Variants in XKR9 observed in about 807,000 individuals in gnomAD.
XKR9 encodes XK related 9.
Under a neutral mutation model 32.0 loss-of-function variants are expected in XKR9, and 32 were observed. The ratio of observed to expected loss-of-function variants is 1.00; its 90% CI spans 0.76 to 1.34. The LOEUF (loss-of-function observed/expected upper bound fraction) is 1.34, where lower values mean the gene tolerates loss of function less well. Among genes scored for constraint, XKR9 ranks in the 40% most tolerant of loss-of-function variants. The probability of loss-of-function intolerance (pLI) is 0.00; values close to 1 mark genes in which losing one functional copy is unlikely to be tolerated. For synonymous variants in XKR9, 168 were observed against 143.4 expected (o/e 1.17, Z -1.22); for missense variants, 546 against 429.7 (o/e 1.27, Z -2.39).
chr8:71,049,541 A>G, the XKR9 span, among the ~76,000 whole-genome samples: 1 of 152,352 alleles, frequency 6.6e-6, no homozygotes, highest in South Asian at 2.1e-4. Context: ...GAATGTGGTA[A>G]AAATCAAGGG....
At chr8:71,051,458 A>C in the XKR9 span, among the ~76,000 whole-genome samples, 41 of 152,226 alleles carry the variant, frequency 2.7e-4, no homozygotes, top group African/African-American at 9.9e-4. Context: ...ATTGTTCTAT[A>C]AATCACTGGA....
the XKR9 span, among the ~76,000 whole-genome samples, chr8:70,860,157 A>G: frequency 6.6e-6 from 1 of 152,146 alleles, no homozygotes; most frequent in Non-Finnish European, 1.5e-5. Context: ...AACCCCTATC[A>G]TCTGAATGTT....
the XKR9 span, among the ~76,000 whole-genome samples, chr8:70,974,581 C>G: frequency 2.0e-5 from 3 of 152,168 alleles, no homozygotes; most frequent in African/African-American, 7.2e-5. Context: ...CCCATCCTTT[C>G]TTATGGCTGC....
the XKR9 span, among the ~76,000 whole-genome samples, chr8:70,868,987 C>T: frequency 6.6e-6 from 1 of 152,188 alleles, no homozygotes; most frequent in African/African-American, 2.4e-5. Context: ...AGTCTCTTTG[C>T]TAAAACATAA....
the XKR9 span, among the ~76,000 whole-genome samples, chr8:70,871,684 A>G: frequency 6.6e-6 from 1 of 152,246 alleles, no homozygotes; most frequent in East Asian, 1.9e-4. Context: ...TCCCTGAGAC[A>G]CAACAGTATT....
intron 2 of XKR9, among the ~76,000 whole-genome samples, chr8:70,742,175 A>C (rs1806996718): frequency 1.3e-5 from 2 of 152,340 alleles, no homozygotes; most frequent in South Asian, 4.1e-4. Flanking sequence ...ACTGAATAAC[A>C]ACAAAAAAGC....
At chr8:70,799,122 CTG>C in the XKR9 span, among the ~76,000 whole-genome samples, 2 of 152,110 alleles carry the variant, frequency 1.3e-5, no homozygotes, top group East Asian at 3.9e-4. Flanking sequence ...AGCATTGAAT[CTG>C]TAGGTTTCTT....
At chr8:70,928,744 T>G in the XKR9 span, among the ~76,000 whole-genome samples, 1 of 152,176 alleles carries the variant, frequency 6.6e-6, no homozygotes, top group Non-Finnish European at 1.5e-5. Flanking sequence ...ACTCCAAAGT[T>G]AGTCCCAGCT....
chr8:71,025,801 C>A, the XKR9 span, among the ~76,000 whole-genome samples: 1 of 152,158 alleles, frequency 6.6e-6, no homozygotes, highest in Non-Finnish European at 1.5e-5. Flanking sequence ...ATCACCAATC[C>A]TCTCCTTGAA....
chr8:70,932,757 G>A, the XKR9 span, among the ~76,000 whole-genome samples: 15 of 152,082 alleles, frequency 9.9e-5, no homozygotes, highest in East Asian at 2.7e-3. Flanking sequence ...TCCTCTTTTT[G>A]TAAGGACATC....
chr8:70,852,844 A>T, the XKR9 span, among the ~76,000 whole-genome samples: 2 of 152,056 alleles, frequency 1.3e-5, no homozygotes, highest in African/African-American at 2.4e-5. Flanking sequence ...TCTGGGGTCC[A>T]TTGGCAGGTG....
chr8:70,948,779 G>T, the XKR9 span, among the ~76,000 whole-genome samples: 1 of 152,148 alleles, frequency 6.6e-6, no homozygotes, highest in Non-Finnish European at 1.5e-5. Context: ...GTAATTAATA[G>T]CACATTTGTT....
chr8:70,999,401 C>G, the XKR9 span, among the ~76,000 whole-genome samples: 1 of 151,984 alleles, frequency 6.6e-6, no homozygotes, highest in Non-Finnish European at 1.5e-5. Flanking sequence ...TTATTATGAC[C>G]AAAGTCACTG....
rs1289847542 is a variant in XKR9 at position 70,735,232 on chromosome 8, C to T, written c.*808C>T. 6.6e-6 allele frequency: 1 copy of T among 151,780 alleles called. No individual in the cohort carries two copies. Among genetic ancestry groups the T allele is most frequent in the Non-Finnish European group, 1.5e-5 (1 of 67,966 alleles). 9.4% of individuals were successfully genotyped at this position (151,780 alleles called of 1,614,324 possible). On this transcript the variant is annotated 3_prime_UTR_variant, in exon 5 of 5. Transcript: ENST00000408926. ...TTTCACCTTGTAAAACTAAGATTCT[C>T]TATTTATTGAACAAATCCCCATTTC... is the stretch of plus-strand genomic sequence containing the variant.
chr8:70,734,285 C>T lies in XKR9; in HGVS notation c.983C>T (p.Thr328Ile), dbSNP rs952832987. The T allele has an allele frequency of 2.5e-6, 4 of 1,612,610 alleles. No homozygotes were observed. Among genetic ancestry groups the T allele is most frequent in the Non-Finnish European group, 3.4e-6 (4 of 1,179,300 alleles). Residue 328 changes from threonine to isoleucine, a missense_variant, in exon 5 of 5, where the codon ACT (threonine) becomes ATT (isoleucine). Transcript: ENST00000408926. ...FIPISITIVLTLLLGILFLIV... is the reference protein window; with the variant it reads ...FIPISITIVLILLLGILFLIV... ...CCTATCAGTATAACTATAGTTCTTA[C>T]TCTTCTTCTTGGAATTCTTTTTCTT...
the XKR9 span, among the ~76,000 whole-genome samples, chr8:70,936,481 G>T: frequency 6.6e-6 from 1 of 152,024 alleles, no homozygotes; most frequent in Non-Finnish European, 1.5e-5. Context: ...CTCTCTGTGG[G>T]AGAACTTAGA....
the XKR9 span, among the ~76,000 whole-genome samples, chr8:71,065,414 G>A: frequency 6.6e-6 from 1 of 152,186 alleles, no homozygotes; most frequent in Non-Finnish European, 1.5e-5. Flanking sequence ...CCCAAAGAGA[G>A]CCCCTACCAG....
chr8:71,007,251 A>G, the XKR9 span, among the ~76,000 whole-genome samples: 1 of 152,188 alleles, frequency 6.6e-6, no homozygotes, highest in Admixed American at 6.5e-5. Context: ...GAGGGAATTC[A>G]GTTTATAGTT....
chr8:70,727,042 A>G (rs375408517), intron 4 of XKR9, among the ~76,000 whole-genome samples: 21 of 152,200 alleles, frequency 1.4e-4, no homozygotes, highest in East Asian at 1.3e-3. Flanking sequence ...TATAAAAAAG[A>G]CTGCATTGAC....
Sources: allele counts gnomAD v4.1 joint callset (sites outside exome capture counted in the v4.1 genomes callset), GRCh38; gene constraint gnomAD v4.1.1; transcripts MANE v1.5; gene names NCBI Gene and HGNC (gene_info 2026-07-23, HGNC 2026-07-21).